GOLM2: variants seen among roughly 807,000 people sequenced by gnomAD.
GOLM2 encodes golgi membrane protein 2.
A neutral mutation model predicts 55.9 loss-of-function variants in GOLM2; 26 were observed. That is an observed-to-expected ratio of 0.47 (90% CI 0.34 to 0.65). The LOEUF is 0.65. Ranked by LOEUF, GOLM2 falls within the 30% of genes least tolerant of loss-of-function variation. The pLI, the probability that GOLM2 is intolerant of heterozygous loss-of-function variation, is 0.01. For synonymous variants in GOLM2, 165 were observed against 194.6 expected (o/e 0.85, Z 1.27); for missense variants, 486 against 531.8 (o/e 0.91, Z 0.85).
chr15:44,386,836 A>C (rs1000763625), intron 8 of GOLM2, among the ~76,000 whole-genome samples: 10 of 149,796 alleles, frequency 6.7e-5, no homozygotes, highest in Non-Finnish European at 1.5e-4. Flanking sequence ...GTTCCACTGC[A>C]CTCCAGCTTG....
At chr15:44,369,087 A>ATATATATAATATATATATATATATATG (rs2079308929) in intron 6 of GOLM2, among the ~76,000 whole-genome samples, 1 of 79,380 alleles carries the variant, frequency 1.3e-5, no homozygotes, top group African/African-American at 4.7e-5. Flanking sequence ...ATATATATAT[A>ATATATATAATATATATATATATATATG]TATATATATA....
chr15:44,323,153 ATCCT>A (rs1159889127), intron 2 of GOLM2, 134 bp downstream of exon 2: 27 of 549,482 alleles, frequency 4.9e-5, no homozygotes, highest in African/African-American at 4.5e-4. Flanking sequence ...TAAAACATTT[ATCCT>A]TTTGCCTTAA....
intron 1 of GOLM2, among the ~76,000 whole-genome samples, chr15:44,315,873 G>A (rs1030602410): frequency 6.6e-6 from 1 of 152,282 alleles, no homozygotes; most frequent in African/African-American, 2.4e-5. Flanking sequence ...GCGCTCAAAA[G>A]AAACCTTGAA....
intron 1 of GOLM2, among the ~76,000 whole-genome samples, chr15:44,298,939 A>T (rs2141108183): frequency 6.6e-6 from 1 of 152,300 alleles, no homozygotes; most frequent in Admixed American, 6.5e-5. Context: ...AGAAAAAAAA[A>T]TAGAATTAGG....
At chr15:44,322,577 A>C (rs1313730280) in intron 1 of GOLM2, among the ~76,000 whole-genome samples, 1 of 152,096 alleles carries the variant, frequency 6.6e-6, no homozygotes, top group Non-Finnish European at 1.5e-5. Flanking sequence ...CCAAGGTCTT[A>C]TTTTAATTTT....
In GOLM2 at chr15:44,331,477, C is replaced by G. The variant is rs1199892345; in HGVS notation, c.486-511C>G. ...TATCTGTTTTGCTGCTGTTCACTTT[C>G]TCCTGATGGCACCAGTCTATCTTCT... On this transcript the variant is annotated intron_variant, in intron 3 of 9. Coordinates refer to ENST00000299957, the MANE Select transcript of GOLM2 (RefSeq NM_138423.4). Among the ~76,000 whole-genome samples the G allele has an allele frequency of 8.5e-5, 13 of 152,308 alleles. No individual in the cohort carries two copies. The East Asian group carries it at 2.5e-3, about 29-fold the overall frequency.
chr15:44,320,145 T>C (rs1050280320), intron 1 of GOLM2, among the ~76,000 whole-genome samples: 2 of 152,236 alleles, frequency 1.3e-5, no homozygotes, highest in African/African-American at 4.8e-5. Context: ...TTACCTATTC[T>C]GTACATTTCA....
intron 5 of GOLM2, 45 bp from the exon 6 acceptor site, chr15:44,338,192 A>T: frequency 6.5e-7 from 1 of 1,549,610 alleles, no homozygotes; most frequent in Non-Finnish European, 8.9e-7. Context: ...TTTTCAAATT[A>T]TGTAAGAAAA....
At chr15:44,401,028 A>G (rs2079561698) in intron 8 of GOLM2, among the ~76,000 whole-genome samples, 1 of 152,168 alleles carries the variant, frequency 6.6e-6, no homozygotes, top group African/African-American at 2.4e-5. Context: ...TTCTATTTGT[A>G]CTTAACCTTT....
chr15:44,346,354 A>T (rs1310591956), intron 6 of GOLM2, among the ~76,000 whole-genome samples: 1 of 151,538 alleles, frequency 6.6e-6, no homozygotes, highest in Non-Finnish European at 1.5e-5. Flanking sequence ...CATTCCAGAG[A>T]TTTTGTTATA....
chr15:44,401,747 G>A (rs557437905), intron 8 of GOLM2, among the ~76,000 whole-genome samples: 6 of 151,348 alleles, frequency 4.0e-5, no homozygotes, highest in Non-Finnish European at 5.9e-5. Flanking sequence ...AGATCCTAGT[G>A]TGCCTAACAT....
At chr15:44,351,683 TAA>T (rs1326829849) in intron 6 of GOLM2, among the ~76,000 whole-genome samples, 1 of 149,750 alleles carries the variant, frequency 6.7e-6, no homozygotes, top group Non-Finnish European at 1.5e-5. Context: ...TGGAAAAACC[TAA>T]AGACTCCACC....
intron 1 of GOLM2, among the ~76,000 whole-genome samples, chr15:44,302,031 T>C (rs549209039): frequency 6.6e-6 from 1 of 151,894 alleles, no homozygotes; most frequent in Admixed American, 6.6e-5. Flanking sequence ...GGAGCTAGAA[T>C]GAGTGTGATA....
At chr15:44,395,145 G>A (rs998391359) in intron 8 of GOLM2, among the ~76,000 whole-genome samples, 6 of 151,088 alleles carry the variant, frequency 4.0e-5, no homozygotes, top group African/African-American at 1.5e-4. Context: ...CAAGGAGCTG[G>A]GACTACAGGC....
chr15:44,389,550 AAAAT>A (rs1380589276), intron 8 of GOLM2, among the ~76,000 whole-genome samples: 1 of 152,190 alleles, frequency 6.6e-6, no homozygotes, highest in Non-Finnish European at 1.5e-5. Flanking sequence ...AAGTAAATAA[AAAAT>A]AAAAGCACTT....
intron 8 of GOLM2, among the ~76,000 whole-genome samples, chr15:44,384,746 C>CA (rs879330903): frequency 1.5e-3 from 157 of 103,694 alleles, no homozygotes; most frequent in African/African-American, 3.2e-3. Flanking sequence ...GACTCCATCT[C>CA]AAAAAAAAAA....
intron 6 of GOLM2, among the ~76,000 whole-genome samples, chr15:44,357,219 G>A (rs181718398): frequency 1.6e-4 from 24 of 151,944 alleles, no homozygotes; most frequent in Non-Finnish European, 3.2e-4. Flanking sequence ...CAAGCAAGTG[G>A]GATTTATCCC....
At chr15:44,405,282 G>A (rs925792895) in intron 9 of GOLM2, 1 of 152,264 alleles carries the variant, frequency 6.6e-6, no homozygotes, top group Non-Finnish European at 1.5e-5. Context: ...AGTAGAGAAG[G>A]GGCTGTTACA....
chr15:44,316,766 A>C (rs1056228482), intron 1 of GOLM2, among the ~76,000 whole-genome samples: 10 of 151,798 alleles, frequency 6.6e-5, no homozygotes, highest in Admixed American at 4.6e-4. Flanking sequence ...AAAAAAAAAA[A>C]AACAAAAAAG....
Sources: gnomAD v4.1 joint callset for allele counts (sites outside exome capture counted in the v4.1 genomes callset) on GRCh38, gnomAD v4.1.1 for gene constraint, MANE v1.5 for transcripts, NCBI Gene and HGNC (gene_info 2026-07-23, HGNC 2026-07-21) for gene names.